Variants in CLSTN2 observed in about 807,000 individuals in gnomAD.
The protein encoded by CLSTN2 is calsyntenin-2.
In CLSTN2, 48 loss-of-function variants were observed where a neutral mutation model predicts 101.2. The ratio of observed to expected loss-of-function variants is 0.47; its 90% CI spans 0.38 to 0.60. The LOEUF is 0.60. CLSTN2 is among the 20% of genes least tolerant of loss of function. The pLI is 0.00. For missense variants in CLSTN2, 1,160 were observed against 1,238.2 expected (o/e 0.94, Z 0.95); for synonymous variants, 481 against 463.6 (o/e 1.04, Z -0.48).
Position 139,974,059 on chromosome 3 carries a change from G to A in CLSTN2, c.109+38576G>A, listed in dbSNP as rs769177236. On this transcript the variant is annotated intron_variant, in intron 1 of 16. Transcript: ENST00000458420. Reference sequence around the variant, plus strand: ...TTTAGCATTGTGAAGCCTGGCCCTGGAACTTAGGGTGGAAACTGCTGAATT... The same window carrying A: ...TTTAGCATTGTGAAGCCTGGCCCTGAAACTTAGGGTGGAAACTGCTGAATT... 1.1e-4 allele frequency among the ~76,000 whole-genome samples: 17 copies of A among 152,296 alleles called. No homozygotes were observed. The South Asian group carries it at 2.3e-3, about 20-fold the overall frequency.
chr3:140,114,576 A>G (rs1576431854), intron 1 of CLSTN2, among the ~76,000 whole-genome samples: 1 of 152,164 alleles, frequency 6.6e-6, no homozygotes, highest in East Asian at 1.9e-4. Context: ...CTCTTATTGT[A>G]AGATCCAGCT....
At chr3:140,018,565 C>T (rs956236637) in intron 1 of CLSTN2, among the ~76,000 whole-genome samples, 4 of 152,154 alleles carry the variant, frequency 2.6e-5, no homozygotes, top group African/African-American at 9.7e-5. Flanking sequence ...TGGTGGCTCT[C>T]TGAGGAGGAA....
intron 2 of CLSTN2, among the ~76,000 whole-genome samples, chr3:140,369,546 T>C (rs770673032): frequency 6.6e-6 from 1 of 151,510 alleles, no homozygotes; most frequent in Non-Finnish European, 1.5e-5. Context: ...AAACAAAATC[T>C]GATCAGTTGA....
intron 2 of CLSTN2, among the ~76,000 whole-genome samples, chr3:140,345,317 C>T (rs944968492): frequency 1.3e-5 from 2 of 148,662 alleles, no homozygotes; most frequent in Admixed American, 6.8e-5. Context: ...GGCGTGATCT[C>T]GGCTCACTGC....
chr3:139,961,219 C>T lies in CLSTN2; in HGVS notation c.109+25736C>T, dbSNP rs543609582. ...CATTTTCTTCTTTATAAAACGGGTCCGAAGTATCACATCCCCCCACCCCCA... is the reference window on the plus strand; with the variant it reads ...CATTTTCTTCTTTATAAAACGGGTCTGAAGTATCACATCCCCCCACCCCCA... On this transcript the variant is annotated intron_variant, in intron 1 of 16. Transcript: ENST00000458420. 2.8e-4 allele frequency among the ~76,000 whole-genome samples: 43 copies of T among 152,148 alleles called. 1 individual carries two copies. In the South Asian group the frequency reaches 6.3e-3, roughly 22 times the overall value.
chr3:139,964,731 A>G (rs1935564924), intron 1 of CLSTN2, among the ~76,000 whole-genome samples: 1 of 152,202 alleles, frequency 6.6e-6, no homozygotes, highest in African/African-American at 2.4e-5. Flanking sequence ...AGGAACCTGG[A>G]CATTGTGCAA....
At chr3:140,205,860 C>A (rs1279915908) in intron 2 of CLSTN2, among the ~76,000 whole-genome samples, 2 of 152,088 alleles carry the variant, frequency 1.3e-5, no homozygotes, top group African/African-American at 4.8e-5. Context: ...CAGCAGTCCC[C>A]ACCGGTCAGT....
chr3:140,425,236 T>G (rs950739613), intron 5 of CLSTN2, among the ~76,000 whole-genome samples: 1 of 152,154 alleles, frequency 6.6e-6, no homozygotes, highest in Non-Finnish European at 1.5e-5. Context: ...TCCAGGGAGC[T>G]TTCTCAGAGC....
intron 2 of CLSTN2, among the ~76,000 whole-genome samples, chr3:140,356,358 A>G (rs2087670436): frequency 6.6e-6 from 1 of 152,184 alleles, no homozygotes; most frequent in Non-Finnish European, 1.5e-5. Context: ...TTACCTGGAG[A>G]TATCTTTGCA....
At chr3:140,470,780 G>A (rs12637306) in intron 8 of CLSTN2, among the ~76,000 whole-genome samples, 3 of 152,116 alleles carry the variant, frequency 2.0e-5, no homozygotes, top group African/African-American at 7.2e-5. Context: ...TAACTCATGC[G>A]GGGCCATTGA....
At chr3:140,197,687 A>C (rs754788759) in intron 2 of CLSTN2, among the ~76,000 whole-genome samples, 4 of 152,180 alleles carry the variant, frequency 2.6e-5, no homozygotes, top group Non-Finnish European at 5.9e-5. Flanking sequence ...TTGCTGTGAC[A>C]TCTAGTGAGT....
intron 2 of CLSTN2, among the ~76,000 whole-genome samples, chr3:140,381,973 C>T (rs984745667): frequency 6.6e-6 from 1 of 152,198 alleles, no homozygotes; most frequent in Non-Finnish European, 1.5e-5. Context: ...CCAACTTCTC[C>T]TTCTCTATGT....
intron 8 of CLSTN2, among the ~76,000 whole-genome samples, chr3:140,482,655 C>T (rs1196552817): frequency 6.6e-6 from 1 of 152,112 alleles, no homozygotes; most frequent in Non-Finnish European, 1.5e-5. Flanking sequence ...TCAAATTCTT[C>T]CTGGTTTAGT....
intron 1 of CLSTN2, among the ~76,000 whole-genome samples, chr3:140,051,557 A>G (rs1352180031): frequency 6.6e-6 from 1 of 152,156 alleles, no homozygotes; most frequent in African/African-American, 2.4e-5. Context: ...GCAAGGGGCC[A>G]GGAGGAGGGA....
chr3:140,092,130 G>A (rs72984150), intron 1 of CLSTN2, among the ~76,000 whole-genome samples: 8,608 of 152,230 alleles, frequency 0.057, 291 homozygotes, highest in African/African-American at 0.074. Context: ...ATGAGACTAT[G>A]AGGCTCCTGA....
intron 4 of CLSTN2, among the ~76,000 whole-genome samples, chr3:140,419,843 G>T (rs1355711632): frequency 2.7e-5 from 1 of 37,700 alleles, no homozygotes. Context: ...GTATATATAT[G>T]TGTATATATA....
At chr3:140,382,631 C>A (rs982298337) in intron 2 of CLSTN2, among the ~76,000 whole-genome samples, 1 of 152,110 alleles carries the variant, frequency 6.6e-6, no homozygotes, top group African/African-American at 2.4e-5. Context: ...ATTGGAGCTG[C>A]TATAATAAAA....
intron 1 of CLSTN2, among the ~76,000 whole-genome samples, chr3:140,164,879 A>T (rs1301302168): frequency 1.3e-5 from 2 of 152,142 alleles, no homozygotes; most frequent in Non-Finnish European, 2.9e-5. Context: ...AGGAAAGAAG[A>T]AAATAGGTAT....
chr3:140,169,152 T>A (rs2010176241), intron 1 of CLSTN2, among the ~76,000 whole-genome samples: 1 of 152,118 alleles, frequency 6.6e-6, no homozygotes, highest in Non-Finnish European at 1.5e-5. Flanking sequence ...TAAAACCTCT[T>A]CAGATCTTTA....
Sources: allele counts gnomAD v4.1 joint callset (sites outside exome capture counted in the v4.1 genomes callset), GRCh38; gene constraint gnomAD v4.1.1; transcripts MANE v1.5; gene names NCBI Gene and HGNC (gene_info 2026-07-23, HGNC 2026-07-21).